Variants in KCNQ1 observed in about 807,000 individuals in gnomAD.
KCNQ1 encodes the protein potassium voltage-gated channel subfamily Q member 1.
In KCNQ1, 49 loss-of-function variants were observed where a neutral mutation model predicts 72.4. The observed-to-expected ratio is 0.68, with a 90% CI of 0.54 to 0.86. The LOEUF is 0.86. Among genes scored for constraint, KCNQ1 ranks in the 40% least tolerant of loss-of-function variants. KCNQ1 has a pLI of 0.00. For missense variants in KCNQ1, 790 were observed against 945.1 expected (o/e 0.84, Z 2.15); for synonymous variants, 450 against 412.6 (o/e 1.09, Z -1.10).
In KCNQ1 at chr11:2,669,200, T is replaced by C; in HGVS notation, c.1514+7119T>C. 2 of 398,704 alleles carry C rather than the reference T, an allele frequency of 5.0e-6. No individual in the cohort carries two copies. The highest frequency in any genetic ancestry group is 4.4e-5 in the Admixed American group (1 of 22,742). 24.7% of individuals were successfully genotyped at this position (398,704 alleles called of 1,614,324 possible). A position where few individuals can be genotyped will look rare whatever the true frequency, so the allele number is the denominator to read the frequency against. The stretch of plus-strand genomic sequence containing the variant: ...GACCTTGCTTCCTTCTCACTGTAGT[T>C]TGCTAACAGGTTTTGACAGCTGGTC... On this transcript the variant is annotated intron_variant, in intron 11 of 15. Coordinates refer to ENST00000155840, the MANE Select transcript of KCNQ1 (RefSeq NM_000218.3). This position sits in a 1 kb window ranked among gnomAD's most constrained non-coding sequence, Gnocchi z 5.6.
chr11:2,847,660 G>A, intron 15 of KCNQ1, 107 bp from the exon 16 acceptor site: 1 of 1,043,370 alleles, frequency 9.6e-7, no homozygotes, highest in Non-Finnish European at 1.4e-6. Flanking sequence ...CACTTGCAGA[G>A]ACGGTTGGCA....
chr11:2,606,885 A>G (rs1253203742), intron 10 of KCNQ1, among the ~76,000 whole-genome samples: 1 of 133,554 alleles, frequency 7.5e-6, no homozygotes, highest in Non-Finnish European at 1.6e-5. Context: ...GTATGATATT[A>G]TCTGTGATTT....
At chr11:2,540,240 G>A (rs779639690) in intron 2 of KCNQ1, among the ~76,000 whole-genome samples, 2 of 152,204 alleles carry the variant, frequency 1.3e-5, no homozygotes, top group Non-Finnish European at 2.9e-5. Context: ...CCCCTAGAGG[G>A]CATTACATTC....
chr11:2,469,999 G>A (rs1315155688), intron 1 of KCNQ1, among the ~76,000 whole-genome samples: 1 of 151,956 alleles, frequency 6.6e-6, no homozygotes, highest in Non-Finnish European at 1.5e-5. Context: ...GTCTCACTCT[G>A]TCGCCCAGGT....
intron 1 of KCNQ1, among the ~76,000 whole-genome samples, chr11:2,501,827 C>T (rs1847018266): frequency 6.6e-6 from 1 of 150,646 alleles, no homozygotes; most frequent in Admixed American, 6.6e-5. Flanking sequence ...TTCAGCAACA[C>T]CTTAAAAAAG....
rs1847871720 is a variant in KCNQ1 at position 2,544,308 on chromosome 11, A to G, written c.477+16290A>G. Among the ~76,000 whole-genome samples, 1 of 104,978 alleles carries G rather than the reference A, an allele frequency of 9.5e-6. No homozygotes were observed. 68.9% of individuals were successfully genotyped at this position (104,978 alleles called of 152,430 possible). ...TATATATATATGTATATATGTGTAT[A>G]TATGTATATATCTATGTATATATAT... On this transcript the variant is annotated intron_variant, in intron 2 of 15. Transcript: ENST00000155840. The surrounding 1 kb of genome is among the most constrained non-coding windows in gnomAD (Gnocchi z 4.4).
intron 11 of KCNQ1, among the ~76,000 whole-genome samples, chr11:2,737,158 C>T (rs1845972098): frequency 3.3e-5 from 5 of 152,198 alleles, no homozygotes; most frequent in Admixed American, 3.3e-4. Flanking sequence ...GAGGAGGAGG[C>T]AGGCAGGGAA....
intron 11 of KCNQ1, among the ~76,000 whole-genome samples, chr11:2,751,522 G>A (rs577381430): frequency 1.1e-4 from 17 of 152,384 alleles, no homozygotes; most frequent in Non-Finnish European, 1.6e-4. Context: ...GAGGGACAGT[G>A]CAGCTCCGAA....
At chr11:2,632,132 GA>G (rs1217780949) in intron 10 of KCNQ1, 1 of 385,184 alleles carries the variant, frequency 2.6e-6, no homozygotes, top group East Asian at 3.6e-5. Flanking sequence ...GCAGTGAGCC[GA>G]GATCGCGCCA....
rs1403239159 is a variant in KCNQ1, at chr11:2,767,715, C to T, written c.1515-1129C>T. The stretch of plus-strand genomic sequence containing the variant: ...TTCTAAACCCCAAAGCTTCTCTCCA[C>T]AGTGCCATGCGTCTACTGAGTACTC... On this transcript the variant is annotated intron_variant, in intron 11 of 15. Transcript: ENST00000155840. This position sits in a 1 kb window ranked among gnomAD's most constrained non-coding sequence, Gnocchi z 4.6. Among the ~76,000 whole-genome samples the T allele has an allele frequency of 1.3e-5, 2 of 152,230 alleles. No individual in the cohort carries two copies. Among genetic ancestry groups the T allele is most frequent in the South Asian group, 2.1e-4 (1 of 4,832 alleles).
intron 11 of KCNQ1, among the ~76,000 whole-genome samples, chr11:2,749,674 G>A (rs533598111): frequency 1.4e-4 from 20 of 146,432 alleles, no homozygotes; most frequent in East Asian, 4.3e-4. Flanking sequence ...TTGTCCGGGC[G>A]CGGTGGCGGG....
Position 2,659,172 on chromosome 11 carries a change from G to A in KCNQ1, c.1394-2789G>A, listed in dbSNP as rs1849905667. 1 of 398,634 alleles carries A rather than the reference G, an allele frequency of 2.5e-6. No individual in the cohort carries two copies. Among genetic ancestry groups the A allele is most frequent in the Non-Finnish European group, 4.4e-6 (1 of 226,064 alleles). 24.7% of individuals were successfully genotyped at this position (398,634 alleles called of 1,614,324 possible). Reference sequence around the variant, plus strand: ...AGATTCAGTTCTGTGGGTTTTGACAGATGTCTGGAGTCATGTGTCCACAAT... The same window carrying A: ...AGATTCAGTTCTGTGGGTTTTGACAAATGTCTGGAGTCATGTGTCCACAAT... On this transcript the variant is annotated intron_variant, in intron 10 of 15. Coordinates refer to ENST00000155840, the MANE Select transcript of KCNQ1 (RefSeq NM_000218.3). This position sits in a 1 kb window ranked among gnomAD's most constrained non-coding sequence, Gnocchi z 4.3.
chr11:2,759,228 TA>T lies in KCNQ1; in HGVS notation c.1515-9614del, dbSNP rs1439355974. Among the ~76,000 whole-genome samples the T allele has an allele frequency of 2.0e-5, 3 of 151,992 alleles. No homozygotes were observed. Among genetic ancestry groups the T allele is most frequent in the East Asian group, 1.9e-4 (1 of 5,190 alleles). On this transcript the variant is annotated intron_variant, in intron 11 of 15. Transcript: ENST00000155840. The surrounding 1 kb of genome is among the most constrained non-coding windows in gnomAD (Gnocchi z 4.4). ...CGTGATGTGCTTGTGTCTGCTGACA[TA>T]AGTGCTCAAGGAAGAGTCTGGAAGG...
chr11:2,610,716 C>CTTTTTTTT (rs1167505141), intron 10 of KCNQ1: 135 of 229,972 alleles, frequency 5.9e-4, no homozygotes, highest in East Asian at 4.1e-3. Context: ...TCTTGGTTGG[C>CTTTTTTTT]TTTTTTTTTT....
intron 11 of KCNQ1, chr11:2,675,658 C>T (rs1456309025): frequency 7.5e-6 from 3 of 398,682 alleles, no homozygotes; most frequent in East Asian, 3.6e-5. Context: ...TCTAGGAGCC[C>T]GCCCAGGGCC....
rs1589904450 is a variant in KCNQ1 at position 2,481,223 on chromosome 11, T to G, written c.386+35739T>G. On this transcript the variant is annotated intron_variant, in intron 1 of 15. Transcript: ENST00000155840. This position sits in a 1 kb window ranked among gnomAD's most constrained non-coding sequence, Gnocchi z 4.6. ...AATGCTTTTAGTAGATCAGTTTTTC[T>G]GATTGTAAAGTTCAGAAATGTTAAT... Among the ~76,000 whole-genome samples, 3 of 152,362 alleles carry G rather than the reference T, an allele frequency of 2.0e-5. No homozygotes were observed. The South Asian group carries it at 6.2e-4, about 32-fold the overall frequency.
chr11:2,489,896 A>G (rs1052550009), intron 1 of KCNQ1, among the ~76,000 whole-genome samples: 1 of 152,184 alleles, frequency 6.6e-6, no homozygotes, highest in African/African-American at 2.4e-5. Flanking sequence ...TGGGCCTTGA[A>G]TGAGATTCTG....
chr11:2,830,930 C>T lies in KCNQ1; in HGVS notation c.1795-16837C>T, dbSNP rs1352105426. On this transcript the variant is annotated intron_variant, in intron 15 of 15. Transcript: ENST00000155840. This position sits in a 1 kb window ranked among gnomAD's most constrained non-coding sequence, Gnocchi z 7.7. Reference sequence around the variant, plus strand: ...GGGAGTCTTTGAAACCGCAAGGGTACCCTTGGGAGACCCCGTGCAGGTCTT... The same window carrying T: ...GGGAGTCTTTGAAACCGCAAGGGTATCCTTGGGAGACCCCGTGCAGGTCTT... 6.6e-6 allele frequency among the ~76,000 whole-genome samples: 1 copy of T among 152,192 alleles called. No homozygotes were observed. The highest frequency in any genetic ancestry group is 1.5e-5 in the Non-Finnish European group (1 of 68,022).
chr11:2,549,353 C>A lies in KCNQ1; in HGVS notation c.478-21275C>A, dbSNP rs1266767951. 6.6e-6 allele frequency among the ~76,000 whole-genome samples: 1 copy of A among 151,776 alleles called. No individual in the cohort carries two copies. Among genetic ancestry groups the A allele is most frequent in the Non-Finnish European group, 1.5e-5 (1 of 67,910 alleles). ...CCTGGGTCCAGGCACCTGGGGCGAC[C>A]CTCCTTGGCCGTCCTTGCCATCCTC... On this transcript the variant is annotated intron_variant, in intron 2 of 15. Transcript: ENST00000155840. This position sits in a 1 kb window ranked among gnomAD's most constrained non-coding sequence, Gnocchi z 6.2.
Sources: gnomAD v4.1 joint callset for allele counts (sites outside exome capture counted in the v4.1 genomes callset) on GRCh38, gnomAD v4.1.1 for gene constraint, Gnocchi (gnomAD v3.1) non-coding constraint, MANE v1.5 for transcripts, NCBI Gene and HGNC (gene_info 2026-07-23, HGNC 2026-07-21) for gene names.